FAM184A: variants seen among roughly 807,000 people sequenced by gnomAD.
FAM184A encodes the protein family with sequence similarity 184 member A.
A neutral mutation model predicts 143.8 loss-of-function variants in FAM184A; 99 were observed. That is an observed-to-expected ratio of 0.69 (90% CI 0.58 to 0.81). FAM184A has a LOEUF of 0.81. FAM184A is among the 40% of genes least tolerant of loss of function. FAM184A has a pLI of 0.00. For synonymous variants in FAM184A, 427 were observed against 446.4 expected, an observed-to-expected ratio of 0.96 and a Z score of 0.55; for missense variants, 1,217 against 1,310.5, an observed-to-expected ratio of 0.93 and a Z score of 1.10.
At chr6:119,042,173 CG>C (rs1383580398) in intron 1 of FAM184A, among the ~76,000 whole-genome samples, 1 of 152,076 alleles carries the variant, frequency 6.6e-6, no homozygotes, top group Non-Finnish European at 1.5e-5. Context: ...AACCCAGAAC[CG>C]GGGGTACATG....
intron 4 of FAM184A, among the ~76,000 whole-genome samples, chr6:119,018,512 A>G (rs1785339602): frequency 6.6e-6 from 1 of 152,240 alleles, no homozygotes; most frequent in South Asian, 2.1e-4. Flanking sequence ...AAGGTGATAA[A>G]GTGGTGAAAG....
At chr6:119,084,944 G>A (rs559685983) in intron 1 of FAM184A, among the ~76,000 whole-genome samples, 6 of 152,212 alleles carry the variant, frequency 3.9e-5, no homozygotes, top group Non-Finnish European at 8.8e-5. Context: ...AGGGTCCTGA[G>A]GCTGCACAGG....
At chr6:119,012,552 G>A (rs973528741) in intron 5 of FAM184A, among the ~76,000 whole-genome samples, 3 of 152,216 alleles carry the variant, frequency 2.0e-5, no homozygotes, top group Non-Finnish European at 4.4e-5. Flanking sequence ...CCAGCAACCT[G>A]TGACAATTTG....
intron 6 of FAM184A, among the ~76,000 whole-genome samples, chr6:119,011,002 T>A (rs1785070749): frequency 6.6e-6 from 1 of 152,154 alleles, no homozygotes; most frequent in Non-Finnish European, 1.5e-5. Context: ...AGAGGCAGTA[T>A]AGAGAATAAT....
chr6:119,017,087 T>C, intron 4 of FAM184A, 143 bp from the exon 5 acceptor site: 1 of 623,720 alleles, frequency 1.6e-6, no homozygotes, highest in East Asian at 2.7e-5. Context: ...AACAAATCAT[T>C]AGTGTTCTCA....
At chr6:119,148,441 T>C (rs1218188691) in intron 1 of FAM184A, among the ~76,000 whole-genome samples, 1 of 152,190 alleles carries the variant, frequency 6.6e-6, no homozygotes, top group Non-Finnish European at 1.5e-5. Flanking sequence ...AGTATGGCCC[T>C]AACCCCCACT....
chr6:119,034,537 G>A (rs538407556), intron 1 of FAM184A, among the ~76,000 whole-genome samples: 10 of 144,808 alleles, frequency 6.9e-5, no homozygotes, highest in Admixed American at 4.8e-4. Context: ...GTATTGAGTC[G>A]TCATATTCTT....
chr6:118,970,008 A>ATATATATATATTTATATTTTTTTTTTTT, intron 14 of FAM184A, among the ~76,000 whole-genome samples: 1 of 19,046 alleles, frequency 5.3e-5, no homozygotes, highest in Non-Finnish European at 1.1e-4. Flanking sequence ...ATATATATAT[A>ATATATATATATTTATATTTTTTTTTTTT]TTTTTTTTTT....
At chr6:119,091,205 C>A (rs750133315) in intron 1 of FAM184A, among the ~76,000 whole-genome samples, 4 of 152,100 alleles carry the variant, frequency 2.6e-5, no homozygotes, top group Non-Finnish European at 5.9e-5. Flanking sequence ...AAAAATAATT[C>A]TTTGCATTTT....
chr6:119,006,073 A>T, intron 7 of FAM184A: 1 of 765,104 alleles, frequency 1.3e-6, no homozygotes, highest in South Asian at 1.3e-5. Flanking sequence ...CTGGAGTAGA[A>T]TGAGCCCTTG....
At chr6:119,122,925 A>G (rs1253812723) in intron 1 of FAM184A, among the ~76,000 whole-genome samples, 23 of 2,714 alleles carry the variant, frequency 8.5e-3, no homozygotes, top group East Asian at 0.071. Context: ...ACCCTGTCTG[A>G]AAAAAAAAAA....
chr6:118,986,321 TC>T (rs1197965688), intron 9 of FAM184A, among the ~76,000 whole-genome samples: 1 of 152,084 alleles, frequency 6.6e-6, no homozygotes, highest in Non-Finnish European at 1.5e-5. Flanking sequence ...GTGGAATATG[TC>T]CCCAATCATC....
intron 1 of FAM184A, among the ~76,000 whole-genome samples, chr6:119,042,105 G>A (rs1222015619): frequency 4.6e-5 from 7 of 152,174 alleles, no homozygotes. Flanking sequence ...TACATGGCAA[G>A]ACCAGTTAAG....
chr6:118,980,394 T>C, intron 9 of FAM184A, 44 bp from the exon 10 acceptor site: 1 of 1,512,888 alleles, frequency 6.6e-7, no homozygotes, highest in Non-Finnish European at 9.1e-7. Context: ...ATACAAGGCA[T>C]AGTTCACAAA....
At chr6:119,080,621 G>C (rs1207846705), upstream of FAM184A, among the ~76,000 whole-genome samples, 1 of 152,148 alleles carries the variant, frequency 6.6e-6, no homozygotes, top group Non-Finnish European at 1.5e-5. Context: ...CTGGGTTTCA[G>C]ACTTTTTAGG....
intron 1 of FAM184A, among the ~76,000 whole-genome samples, chr6:119,098,482 G>T (rs886101258): frequency 2.0e-5 from 3 of 152,176 alleles, no homozygotes; most frequent in African/African-American, 7.2e-5. Flanking sequence ...GTAAATTTCA[G>T]CAAAGCAGAA....
intron 1 of FAM184A, among the ~76,000 whole-genome samples, chr6:119,034,041 T>TATATATATATAGAG (rs1409214932): frequency 2.4e-5 from 1 of 42,008 alleles, no homozygotes; most frequent in African/African-American, 1.1e-4. Context: ...TATATATATA[T>TATATATATATAGAG]AGAGAGAGAG....
At chr6:119,071,286 T>C (rs12189950) in intron 1 of FAM184A, among the ~76,000 whole-genome samples, 6,666 of 152,198 alleles carry the variant, frequency 0.044, 255 homozygotes, top group East Asian at 0.2. Context: ...AGGAATGGGG[T>C]CTAAGCAACA....
In FAM184A at chr6:118,990,864, T is replaced by C. The variant is rs540937495; in HGVS notation, c.2089-10514A>G. Among the ~76,000 whole-genome samples the C allele has an allele frequency of 2.6e-3, 392 of 152,078 alleles. 1 individual carries two copies. Among genetic ancestry groups the C allele is most frequent in the Middle Eastern group, 0.014 (4 of 292 alleles). ...GAGATCACACCACTGCACTCCAGCA[T>C]GGGTGACAGAGTGAGACTCCAACTC... On this transcript the variant is annotated intron_variant, in intron 9 of 17. Coordinates refer to ENST00000338891, the MANE Select transcript of FAM184A (RefSeq NM_024581.6).
Sources: allele counts gnomAD v4.1 joint callset (sites outside exome capture counted in the v4.1 genomes callset), GRCh38; gene constraint gnomAD v4.1.1; transcripts MANE v1.5; gene names NCBI Gene and HGNC (gene_info 2026-07-23, HGNC 2026-07-21).